Variants in MYO6 observed in about 807,000 individuals in gnomAD.
The protein encoded by MYO6 is myosin VI, also known as unconventional myosin-VI.
In MYO6, 74 loss-of-function variants were observed where a neutral mutation model predicts 178.7. The observed-to-expected ratio is 0.41, with a 90% CI of 0.34 to 0.50. The LOEUF (loss-of-function observed/expected upper bound fraction) is 0.50. Among genes scored for constraint, MYO6 ranks in the 20% least tolerant of loss-of-function variants. The pLI, the probability that MYO6 is intolerant of heterozygous loss-of-function variation, is 0.09. For missense variants in MYO6, 1,330 were observed against 1,547.4 expected (o/e 0.86, Z 2.36); for synonymous variants, 477 against 504.6 (o/e 0.95, Z 0.73).
intron 16 of MYO6, among the ~76,000 whole-genome samples, chr6:75,864,652 C>T (rs773902283): frequency 7.2e-5 from 11 of 152,232 alleles, no homozygotes; most frequent in Non-Finnish European, 1.0e-4. Context: ...AGAATTGTCA[C>T]GAGTGTCTCA....
intron 1 of MYO6, among the ~76,000 whole-genome samples, chr6:75,757,897 A>G (rs1777599512): frequency 6.7e-6 from 1 of 149,138 alleles, no homozygotes; most frequent in Non-Finnish European, 1.5e-5. Flanking sequence ...TTTTTTTGTC[A>G]TGTTTAATGT....
chr6:75,841,482 A>T, intron 9 of MYO6, 104 bp downstream of exon 9: 2 of 1,107,830 alleles, frequency 1.8e-6, no homozygotes, highest in African/African-American at 1.6e-5. Context: ...TGAGCCTGGG[A>T]GTTCGAGAGC....
At chr6:75,839,530 A>T (rs930089908) in intron 7 of MYO6, among the ~76,000 whole-genome samples, 1 of 152,188 alleles carries the variant, frequency 6.6e-6, no homozygotes, top group African/African-American at 2.4e-5. Context: ...CATAAAAAAA[A>T]TTTTAACACT....
rs1483678696 is a variant in MYO6 at position 75,918,987 on chromosome 6, T to C, written c.*3975T>C. On this transcript the variant is annotated 3_prime_UTR_variant, in exon 35 of 35. Transcript: ENST00000369977. ...ACAAAACATTAGCCAGGCGTGGTAGTGGGTGCCTGTAATCCCTGCTACTTG... is the reference window on the plus strand; with the variant it reads ...ACAAAACATTAGCCAGGCGTGGTAGCGGGTGCCTGTAATCCCTGCTACTTG... The C allele has an allele frequency of 1.3e-5, 2 of 152,070 alleles. No homozygotes were observed. Among genetic ancestry groups the C allele is most frequent in the Non-Finnish European group, 2.9e-5 (2 of 68,056 alleles). 9.4% of individuals were successfully genotyped at this position (152,070 alleles called of 1,614,324 possible).
chr6:75,847,822 A>G (rs935102121), intron 10 of MYO6, among the ~76,000 whole-genome samples: 1 of 151,974 alleles, frequency 6.6e-6, no homozygotes. Context: ...TCACATTTAA[A>G]TTTTTTATTG....
chr6:75,866,623 T>C lies in MYO6; in HGVS notation c.1770+2T>C. On this transcript the variant is annotated splice_donor_variant, in intron 17 of 34. Transcript: ENST00000369977. LOFTEE classifies it high-confidence loss of function. ...GCGGGGGCAGTGTGCTATGAAACAGTGAGTATAACTTTTACAAGGAGAAAA... is the reference window on the plus strand; with the variant it reads ...GCGGGGGCAGTGTGCTATGAAACAGCGAGTATAACTTTTACAAGGAGAAAA... 6.2e-7 allele frequency: 1 copy of C among 1,610,562 alleles called. No individual in the cohort carries two copies.
chr6:75,909,269 T>C lies in MYO6; in HGVS notation c.3412+642T>C, dbSNP rs138420742. On this transcript the variant is annotated intron_variant, in intron 32 of 34. Coordinates refer to ENST00000369977, the MANE Select transcript of MYO6 (RefSeq NM_004999.4). ...AAATACCCAATATTGTTATCTTTTT[T>C]ATTTGTAGGTATAAGTACTTTTCTG... 5.4e-3 allele frequency among the ~76,000 whole-genome samples: 819 copies of C among 152,346 alleles called. 6 individuals carry two copies. Among genetic ancestry groups the C allele is most frequent in the South Asian group, 0.048 (232 of 4,830 alleles).
At chr6:75,907,582 GC>G in intron 30 of MYO6, 22 bp from the exon 31 acceptor site, 1 of 1,573,516 alleles carries the variant, frequency 6.4e-7, no homozygotes, top group South Asian at 1.1e-5. Flanking sequence ...GTTTAAACAT[GC>G]AAAAATGTGT....
chr6:75,751,425 A>G (rs1464710508), intron 1 of MYO6, among the ~76,000 whole-genome samples: 1 of 152,202 alleles, frequency 6.6e-6, no homozygotes, highest in East Asian at 1.9e-4. Flanking sequence ...ATATAAAACT[A>G]TATATGATAT....
Position 75,879,800 on chromosome 6 carries a change from G to T in MYO6, c.2078-20G>T, listed in dbSNP as rs546301159. On this transcript the variant is annotated intron_variant, in intron 20 of 34. Coordinates refer to ENST00000369977, the MANE Select transcript of MYO6 (RefSeq NM_004999.4). ...TCCGAACAGTGATTGACAGTGCTTT[G>T]TGCTTGTTCGTGAATCTAGGGATGG... is the stretch of plus-strand genomic sequence containing the variant. 9 of 1,614,064 alleles carry T rather than the reference G, an allele frequency of 5.6e-6. No homozygotes were observed. The highest frequency in any genetic ancestry group is 5.5e-5 in the South Asian group (5 of 91,070).
intron 1 of MYO6, among the ~76,000 whole-genome samples, chr6:75,791,740 A>G (rs1054926634): frequency 6.6e-6 from 1 of 152,216 alleles, no homozygotes; most frequent in Non-Finnish European, 1.5e-5. Context: ...AATTGTTACT[A>G]TTTATTTGTG....
At chr6:75,761,025 G>T (rs1202771086) in intron 1 of MYO6, among the ~76,000 whole-genome samples, 1 of 152,026 alleles carries the variant, frequency 6.6e-6, no homozygotes, top group Non-Finnish European at 1.5e-5. Context: ...TATCCTTTTG[G>T]TCTTAGTATC....
chr6:75,869,938 C>A (rs531593821), intron 18 of MYO6, among the ~76,000 whole-genome samples: 2 of 151,754 alleles, frequency 1.3e-5, no homozygotes, highest in African/African-American at 4.8e-5. Context: ...ATGGTAAAAC[C>A]CTGTCTCTAC....
chr6:75,864,055 A>G (rs541021582), intron 16 of MYO6, among the ~76,000 whole-genome samples: 11 of 152,314 alleles, frequency 7.2e-5, no homozygotes, highest in Non-Finnish European at 1.2e-4. Context: ...GCCTCATCTC[A>G]TAGACAACAT....
chr6:75,891,107 G>T (rs1778869485), intron 26 of MYO6, 121 bp from the exon 27 acceptor site: 1 of 611,036 alleles, frequency 1.6e-6, no homozygotes, highest in African/African-American at 1.9e-5. Context: ...TATGTGGCCA[G>T]GAGGTTAATT....
chr6:75,857,898 A>G (rs370529502), intron 13 of MYO6, among the ~76,000 whole-genome samples: 1 of 152,190 alleles, frequency 6.6e-6, no homozygotes, highest in South Asian at 2.1e-4. Flanking sequence ...GGGCTTTATC[A>G]ATGTGGGCAT....
At chr6:75,780,608 C>G (rs16879451) in intron 1 of MYO6, among the ~76,000 whole-genome samples, 8,317 of 152,106 alleles carry the variant, frequency 0.055, 499 homozygotes, top group African/African-American at 0.15. Context: ...TTAATCTTCT[C>G]TGAAACTTTG....
intron 3 of MYO6, among the ~76,000 whole-genome samples, chr6:75,824,550 G>GCA (rs984597097): frequency 1.5e-4 from 23 of 151,272 alleles, no homozygotes; most frequent in South Asian, 8.3e-4. Context: ...TTATACACTT[G>GCA]CACACACACA....
At chr6:75,751,507 G>T (rs891939952) in intron 1 of MYO6, among the ~76,000 whole-genome samples, 2 of 152,192 alleles carry the variant, frequency 1.3e-5, no homozygotes, top group African/African-American at 4.8e-5. Context: ...AATATTTAAT[G>T]TAAATTAATG....
Sources: gnomAD v4.1 joint callset for allele counts (sites outside exome capture counted in the v4.1 genomes callset) on GRCh38, gnomAD v4.1.1 for gene constraint, MANE v1.5 for transcripts, NCBI Gene and HGNC (gene_info 2026-07-23, HGNC 2026-07-21) for gene names.